Variants in SOX5 observed in about 807,000 individuals in gnomAD.
SOX5 encodes transcription factor SOX-5.
In SOX5, 9 loss-of-function variants were observed where a neutral mutation model predicts 92.0. The observed-to-expected ratio is 0.10, with a 90% CI of 0.06 to 0.17. The LOEUF (loss-of-function observed/expected upper bound fraction) is 0.17, where lower values mean the gene tolerates loss of function less well. Among genes scored for constraint, SOX5 ranks in the 10% least tolerant of loss-of-function variants. The pLI is 1.00. For missense variants in SOX5, 642 were observed against 944.5 expected (o/e 0.68, Z 4.20); for synonymous variants, 344 against 336.3 (o/e 1.02, Z -0.25).
At chr12:23,748,708 C>T (rs10771024) in intron 4 of SOX5, among the ~76,000 whole-genome samples, 87,411 of 151,802 alleles carry the variant, frequency 0.58, 25,757 homozygotes, top group Non-Finnish European at 0.64. Context: ...GTTTGTTTTA[C>T]TATTTGTGTT....
At chr12:23,778,328 G>A (rs1305890884) in intron 3 of SOX5, among the ~76,000 whole-genome samples, 1 of 152,234 alleles carries the variant, frequency 6.6e-6, no homozygotes, top group Non-Finnish European at 1.5e-5. Flanking sequence ...AGACATGAAT[G>A]TGGAAGGTCT....
At chr12:23,852,154 T>C (rs1433983429) in intron 2 of SOX5, among the ~76,000 whole-genome samples, 1 of 152,192 alleles carries the variant, frequency 6.6e-6, no homozygotes, top group East Asian at 1.9e-4. Context: ...ATAGAAATTC[T>C]AAAATACTTA....
At chr12:24,414,239 T>C (rs535776919) in intron 1 of SOX5, among the ~76,000 whole-genome samples, 1 of 152,312 alleles carries the variant, frequency 6.6e-6, no homozygotes, top group Admixed American at 6.5e-5. Context: ...AATACACAGA[T>C]CTGTGAATCT....
chr12:24,306,477 A>T (rs926638031), intron 2 of SOX5, among the ~76,000 whole-genome samples: 2 of 152,210 alleles, frequency 1.3e-5, no homozygotes, highest in Admixed American at 1.3e-4. Context: ...AAGAGAAAAA[A>T]TTTCTTACAC....
intron 4 of SOX5, among the ~76,000 whole-genome samples, chr12:23,747,357 C>T (rs963593718): frequency 1.3e-5 from 2 of 152,062 alleles, no homozygotes; most frequent in African/African-American, 4.8e-5. Context: ...TCCAAACAAA[C>T]GTTCATAGTT....
chr12:23,742,092 C>T (rs1006378369), intron 4 of SOX5, among the ~76,000 whole-genome samples: 2 of 152,144 alleles, frequency 1.3e-5, no homozygotes, highest in Non-Finnish European at 2.9e-5. Context: ...TTTACTACTG[C>T]ATTTGCCACC....
chr12:24,423,482 T>C (rs992551912), intron 1 of SOX5, among the ~76,000 whole-genome samples: 6 of 152,230 alleles, frequency 3.9e-5, no homozygotes, highest in African/African-American at 1.4e-4. Flanking sequence ...AGACGGGTTT[T>C]CATGCTTTCT....
Position 23,846,190 on chromosome 12 carries a change from C to A in SOX5, c.274G>T (p.Val92Phe), listed in dbSNP as rs760430944. The change falls in exon 3 of 15, where the codon GTT becomes TTT. Residue 92 changes from valine (V) to phenylalanine (F), a missense_variant. By Grantham distance (50) the Val-to-Phe change is conservative (BLOSUM62 -1). This residue lies in a region of SOX5 where 113 missense variants were observed against 117.7 expected (regional missense o/e 0.96). Coordinates refer to ENST00000451604, the MANE Select transcript of SOX5 (RefSeq NM_006940.6). ...GAAGACATAACTTTATTGCCATCAA[C>A]TTCCTGAAAGAGAAAGCAAAATGAC... Reference protein sequence around the residue: ...TPTSQHNTMEVDGNKVMSSFA... With the variant: ...TPTSQHNTMEFDGNKVMSSFA... 25 of 1,612,732 alleles carry A rather than the reference C, an allele frequency of 1.6e-5. No homozygotes were observed. Among genetic ancestry groups the A allele is most frequent in the Non-Finnish European group, 2.0e-5 (24 of 1,178,928 alleles).
intron 4 of SOX5, among the ~76,000 whole-genome samples, chr12:24,026,078 G>A (rs1420013786): frequency 1.3e-5 from 2 of 152,046 alleles, no homozygotes; most frequent in African/African-American, 4.8e-5. Context: ...TTAAAAGATA[G>A]TAAGAAGAAA....
At chr12:24,087,404 G>A (rs921165143) in intron 4 of SOX5, among the ~76,000 whole-genome samples, 16 of 151,892 alleles carry the variant, frequency 1.1e-4, no homozygotes, top group African/African-American at 2.2e-4. Context: ...TTTATTACTC[G>A]TCATCTCTTG....
intron 1 of SOX5, among the ~76,000 whole-genome samples, chr12:24,440,957 C>T (rs1045614435): frequency 3.9e-5 from 6 of 152,140 alleles, no homozygotes; most frequent in African/African-American, 1.4e-4. Context: ...TTTGCCATGA[C>T]CTGGGTCACA....
chr12:23,913,609 A>ATG (rs2138508345), intron 1 of SOX5, among the ~76,000 whole-genome samples: 1 of 151,874 alleles, frequency 6.6e-6, no homozygotes, highest in South Asian at 2.1e-4. Context: ...GGTGGCATCC[A>ATG]CCTATAATTC....
intron 1 of SOX5, among the ~76,000 whole-genome samples, chr12:24,560,800 C>T (rs748352461): frequency 6.6e-6 from 1 of 152,318 alleles, no homozygotes; most frequent in Non-Finnish European, 1.5e-5. Flanking sequence ...GCCATCGAGC[C>T]TCACTCCCGT....
intron 1 of SOX5, among the ~76,000 whole-genome samples, chr12:23,925,013 T>C (rs1939547717): frequency 6.6e-6 from 1 of 151,224 alleles, no homozygotes; most frequent in Non-Finnish European, 1.5e-5. Flanking sequence ...CCAAGAATGA[T>C]CAATAAAAAA....
chr12:23,731,968 T>C (rs1769769055), intron 6 of SOX5, among the ~76,000 whole-genome samples: 1 of 152,156 alleles, frequency 6.6e-6, no homozygotes, highest in African/African-American at 2.4e-5. Context: ...GGCACTGTAT[T>C]TAAAAAAGAA....
At chr12:23,822,562 C>T (rs536011129) in intron 3 of SOX5, among the ~76,000 whole-genome samples, 97 of 152,196 alleles carry the variant, frequency 6.4e-4, no homozygotes, top group African/African-American at 2.2e-3. Context: ...TTTAGAATAA[C>T]TGCTATGAAG....
chr12:24,043,221 C>G (rs1186439101), intron 4 of SOX5, among the ~76,000 whole-genome samples: 2 of 152,148 alleles, frequency 1.3e-5, no homozygotes, highest in Non-Finnish European at 2.9e-5. Flanking sequence ...GCAAAAGTCT[C>G]ATTTTCTGTC....
At chr12:24,170,736 A>G (rs1162079794) in intron 4 of SOX5, among the ~76,000 whole-genome samples, 8 of 152,182 alleles carry the variant, frequency 5.3e-5, no homozygotes, top group Non-Finnish European at 1.0e-4. Context: ...TATCTCCCCA[A>G]TTGTCAGAAA....
At chr12:24,148,760 C>T (rs1238479689) in intron 4 of SOX5, among the ~76,000 whole-genome samples, 1 of 149,152 alleles carries the variant, frequency 6.7e-6, no homozygotes, top group East Asian at 2.0e-4. Context: ...TATAGTGGCC[C>T]ATACATATAG....
Sources: allele counts gnomAD v4.1 joint callset (sites outside exome capture counted in the v4.1 genomes callset), GRCh38; gene constraint gnomAD v4.1.1; regional missense constraint gnomAD v4.1.1; transcripts MANE v1.5; gene names NCBI Gene and HGNC (gene_info 2026-07-23, HGNC 2026-07-21).